Variants in CDH4 observed in about 807,000 individuals in gnomAD.
The protein encoded by CDH4 is cadherin 4, also known as cadherin-4.
In CDH4, 33 loss-of-function variants were observed where a neutral mutation model predicts 86.0. The ratio of observed to expected loss-of-function variants is 0.38; its 90% CI spans 0.29 to 0.51. The LOEUF is 0.51. Among genes scored for constraint, CDH4 ranks in the 20% least tolerant of loss-of-function variants. The pLI, the probability that CDH4 is intolerant of heterozygous loss-of-function variation, is 0.86. For synonymous variants in CDH4, 555 were observed against 549.4 expected (o/e 1.01, Z -0.14); for missense variants, 1,114 against 1,307.4 (o/e 0.85, Z 2.28).
chr20:61,718,657 A>G, intron 2 of CDH4: 1 of 387,606 alleles, frequency 2.6e-6, no homozygotes, highest in South Asian at 2.0e-5. Flanking sequence ...ATGGGACATT[A>G]ACTTGAACCG....
intron 2 of CDH4, among the ~76,000 whole-genome samples, chr20:61,500,136 C>A (rs13042409): frequency 0.023 from 3,525 of 152,298 alleles, 67 homozygotes; most frequent in Non-Finnish European, 0.032. Context: ...TGGAGCAGGG[C>A]GTCCCCTGGC....
In CDH4 at chr20:61,810,301, C is replaced by A. The variant is rs1489709798; in HGVS notation, c.577-34367C>A. 6.6e-6 allele frequency among the ~76,000 whole-genome samples: 1 copy of A among 152,174 alleles called. No individual in the cohort carries two copies. The highest frequency in any genetic ancestry group is 3.2e-3 in the Middle Eastern group (1 of 316). On this transcript the variant is annotated intron_variant, in intron 4 of 15. Coordinates refer to ENST00000614565, the MANE Select transcript of CDH4 (RefSeq NM_001794.5). The surrounding 1 kb of genome is among the most constrained non-coding windows in gnomAD (Gnocchi z 4.3). ...TGGCTATCCACCGGGCCAGTCGGGG[C>A]GGCTGTGCCAGGCTGTCGTCCCCCC...
At chr20:61,932,543 TTGTG>T (rs1390066089) in intron 13 of CDH4, among the ~76,000 whole-genome samples, 1 of 151,752 alleles carries the variant, frequency 6.6e-6, no homozygotes, top group Non-Finnish European at 1.5e-5. Context: ...CTGTGCAGGC[TTGTG>T]TGTGCATCTA....
chr20:61,595,517 G>A (rs547095205), intron 2 of CDH4, among the ~76,000 whole-genome samples: 7 of 152,346 alleles, frequency 4.6e-5, no homozygotes, highest in Middle Eastern at 3.4e-3. Context: ...GGAACACCCC[G>A]TGGGGCCCTC....
intron 6 of CDH4, among the ~76,000 whole-genome samples, chr20:61,858,163 CTCTGTGTG>C (rs1472080532): frequency 9.6e-6 from 1 of 104,004 alleles, no homozygotes; most frequent in Non-Finnish European, 2.0e-5. Flanking sequence ...GTCTGTGTGT[CTCTGTGTG>C]TCTGTGTGTG....
chr20:61,360,610 G>C (rs2084778357), intron 2 of CDH4, among the ~76,000 whole-genome samples: 1 of 152,172 alleles, frequency 6.6e-6, no homozygotes. Context: ...CACTCAGAAT[G>C]TCACCACCCA....
intron 6 of CDH4, among the ~76,000 whole-genome samples, chr20:61,856,677 T>A (rs1285415063): frequency 6.6e-6 from 1 of 152,108 alleles, no homozygotes; most frequent in Non-Finnish European, 1.5e-5. Flanking sequence ...CACCCCACAC[T>A]CTTATCCAGC....
chr20:61,837,512 T>C (rs1055808288), intron 4 of CDH4, among the ~76,000 whole-genome samples: 1 of 152,210 alleles, frequency 6.6e-6, no homozygotes, highest in Non-Finnish European at 1.5e-5. Context: ...CTCTGTGAGA[T>C]GGTCAGGTGG....
At chr20:61,912,682 A>T (rs1173021130) in intron 9 of CDH4, among the ~76,000 whole-genome samples, 1 of 152,186 alleles carries the variant, frequency 6.6e-6, no homozygotes, top group Non-Finnish European at 1.5e-5. Flanking sequence ...TTCACCGTAA[A>T]AGATAGTTCT....
chr20:61,565,224 G>A lies in CDH4; in HGVS notation c.170-178339G>A, dbSNP rs1336038751. Among the ~76,000 whole-genome samples, 30 of 44,338 alleles carry A rather than the reference G, an allele frequency of 6.8e-4. 5 individuals are homozygous for A. Among genetic ancestry groups the A allele is most frequent in the Non-Finnish European group, 1.0e-3 (21 of 20,484 alleles). 29.1% of individuals were successfully genotyped at this position (44,338 alleles called of 152,430 possible). On this transcript the variant is annotated intron_variant, in intron 2 of 15. Transcript: ENST00000614565. ...GTGGTCGCGGTGCTCTCGGTGGTAG[G>A]TGGTGGTGGTGGTGGTGGCGGTGCT... is the stretch of plus-strand genomic sequence containing the variant.
At chr20:61,466,462 A>G (rs1482564532) in intron 2 of CDH4, among the ~76,000 whole-genome samples, 1 of 152,240 alleles carries the variant, frequency 6.6e-6, no homozygotes, top group Admixed American at 6.5e-5. Context: ...ACTCAGTACA[A>G]TCCCAGAATT....
intron 2 of CDH4, among the ~76,000 whole-genome samples, chr20:61,530,185 C>T (rs2145639564): frequency 6.6e-6 from 1 of 152,162 alleles, no homozygotes; most frequent in East Asian, 1.9e-4. Context: ...GGGAACCACC[C>T]CACACCCGGC....
chr20:61,791,890 G>C (rs1173434289), intron 4 of CDH4, among the ~76,000 whole-genome samples: 1 of 152,062 alleles, frequency 6.6e-6, no homozygotes, highest in Non-Finnish European at 1.5e-5. Context: ...TATGAGTGAG[G>C]GAAAGGGAGG....
intron 2 of CDH4, among the ~76,000 whole-genome samples, chr20:61,381,312 C>T (rs2084899748): frequency 6.6e-6 from 1 of 152,138 alleles, no homozygotes; most frequent in Non-Finnish European, 1.5e-5. Flanking sequence ...GACTCAAGTT[C>T]TGAAATGTAA....
In CDH4 at chr20:61,873,957, C is replaced by A. The variant is rs1983914273; in HGVS notation, c.1050+57C>A. The A allele has an allele frequency of 1.1e-5, 17 of 1,574,136 alleles. No homozygotes were observed. The East Asian group carries it at 3.8e-4, about 35-fold the overall frequency. On this transcript the variant is annotated intron_variant, in intron 7 of 15. Transcript: ENST00000614565. ...GTGAGCTCCTGGTCCCCGCAGGACACCCACAGGACCCTCGGGGAGCCTCTC... is the reference window on the plus strand; with the variant it reads ...GTGAGCTCCTGGTCCCCGCAGGACAACCACAGGACCCTCGGGGAGCCTCTC...
intron 2 of CDH4, among the ~76,000 whole-genome samples, chr20:61,731,337 C>A (rs912223446): frequency 2.0e-5 from 3 of 152,180 alleles, no homozygotes; most frequent in African/African-American, 7.2e-5. Flanking sequence ...TCCCGCAGCA[C>A]CCTTCCTGAC....
chr20:61,585,961 GGTGATGGTGATGAT>G (rs2086467831), intron 2 of CDH4, among the ~76,000 whole-genome samples: 1 of 140,050 alleles, frequency 7.1e-6, no homozygotes, highest in Non-Finnish European at 1.6e-5. Context: ...GGAGGATGAT[GGTGATGGTGATGAT>G]GTGATGATGA....
At chr20:61,509,465 T>C (rs1158333524) in intron 2 of CDH4, among the ~76,000 whole-genome samples, 1 of 149,094 alleles carries the variant, frequency 6.7e-6, no homozygotes, top group East Asian at 2.0e-4. Flanking sequence ...CAAGCCAGGC[T>C]TCCTGGAGGA....
At chr20:61,400,079 T>C (rs931422730) in intron 2 of CDH4, among the ~76,000 whole-genome samples, 1 of 152,206 alleles carries the variant, frequency 6.6e-6, no homozygotes, top group African/African-American at 2.4e-5. Flanking sequence ...AAGTGGGCTG[T>C]GGCCTGGCCC....
Sources: allele counts gnomAD v4.1 joint callset (sites outside exome capture counted in the v4.1 genomes callset), GRCh38; gene constraint gnomAD v4.1.1; non-coding constraint Gnocchi (gnomAD v3.1); transcripts MANE v1.5; gene names NCBI Gene and HGNC (gene_info 2026-07-23, HGNC 2026-07-21).